Variants in IL18RAP observed in about 807,000 individuals in gnomAD.
IL18RAP encodes the protein interleukin 18 receptor accessory protein.
IL18RAP carries 37 observed loss-of-function variants against 58.1 expected under a neutral mutation model. That is an observed-to-expected ratio of 0.64 (90% CI 0.49 to 0.84). The LOEUF is 0.84. Among genes scored for constraint, IL18RAP ranks in the 40% least tolerant of loss-of-function variants. The probability of loss-of-function intolerance (pLI) is 0.00; values close to 1 mark genes in which losing one functional copy is unlikely to be tolerated. For synonymous variants in IL18RAP, 268 were observed against 257.5 expected, an observed-to-expected ratio of 1.04 and a Z score of -0.39; for missense variants, 667 against 704.8, an observed-to-expected ratio of 0.95 and a Z score of 0.61.
chr2:102,449,004 C>T (rs867504759), intron 8 of IL18RAP, among the ~76,000 whole-genome samples: 5 of 145,540 alleles, frequency 3.4e-5, no homozygotes, highest in Admixed American at 1.4e-4. Context: ...AGCAGTGGCT[C>T]ACATGTGTAA....
intron 5 of IL18RAP, among the ~76,000 whole-genome samples, chr2:102,441,677 C>T (rs2104361666): frequency 6.6e-6 from 1 of 152,128 alleles, no homozygotes; most frequent in Admixed American, 6.5e-5. Flanking sequence ...CACTTGAGGT[C>T]AGGAGTTTGA....
chr2:102,444,666 G>A (rs1411150772), intron 6 of IL18RAP, among the ~76,000 whole-genome samples: 1 of 152,174 alleles, frequency 6.6e-6, no homozygotes, highest in Non-Finnish European at 1.5e-5. Context: ...TTCCTGGGTG[G>A]AGCAGCGTGG....
At chr2:102,448,051 T>A (rs11465728) in intron 8 of IL18RAP, among the ~76,000 whole-genome samples, 71,800 of 151,428 alleles carry the variant, frequency 0.47, 17,363 homozygotes, top group African/African-American at 0.55. Flanking sequence ...GTATTTAGAA[T>A]GGTGCCCAGT....
At chr2:102,420,799 G>A (rs1305939524), upstream of IL18RAP, among the ~76,000 whole-genome samples, 1 of 152,120 alleles carries the variant, frequency 6.6e-6, no homozygotes, top group Non-Finnish European at 1.5e-5. Context: ...AGAAAGCTGA[G>A]GTCCAAAAAG....
In IL18RAP at chr2:102,451,763, C is replaced by T; in HGVS notation, c.1385-3C>T. ...TGCAAATAATCAAATGTTTTATTTC[C>T]AGTGTATGCAGAAGACATTGTGAGC... is the stretch of plus-strand genomic sequence containing the variant. On this transcript the variant is annotated splice_region_variant and splice_polypyrimidine_tract_variant and intron_variant, in intron 9 of 9. Coordinates refer to ENST00000687160, the MANE Select transcript of IL18RAP (RefSeq NM_001393487.1). 10 of 1,594,386 alleles carry T rather than the reference C, an allele frequency of 6.3e-6. No individual in the cohort carries two copies. The highest frequency in any genetic ancestry group is 8.6e-6 in the Non-Finnish European group (10 of 1,168,638).
chr2:102,432,378 C>G (rs1391254292), intron 3 of IL18RAP: 1 of 154,256 alleles, frequency 6.5e-6, no homozygotes, highest in Non-Finnish European at 1.5e-5. Flanking sequence ...GAGCAATACC[C>G]TTGTGTCTTC....
At chr2:102,418,932 G>A (rs562276770), upstream of IL18RAP, 6 of 152,294 alleles carry the variant, frequency 3.9e-5, no homozygotes, top group African/African-American at 1.4e-4. Context: ...TTAAGAGCAG[G>A]AAATAAAGGT....
At chr2:102,443,458 C>A in intron 6 of IL18RAP, 135 bp downstream of exon 6, 247 of 912,486 alleles carry the variant, frequency 2.7e-4, no homozygotes, top group East Asian at 4.4e-4. Flanking sequence ...CACAAAAATG[C>A]AAAGTGCAAA....
intron 3 of IL18RAP, 140 bp from the exon 4 acceptor site, chr2:102,437,072 T>C (rs1682796206): frequency 2.9e-6 from 2 of 694,520 alleles, no homozygotes; most frequent in Non-Finnish European, 4.7e-6. Flanking sequence ...GAACACAATG[T>C]CTTCATAGCT....
intron 8 of IL18RAP, 127 bp from the exon 9 acceptor site, chr2:102,450,721 A>G (rs1683709140): frequency 1.9e-6 from 1 of 531,816 alleles, no homozygotes. Flanking sequence ...TTTAAAATCA[A>G]TTTAGTCAGG....
In IL18RAP at chr2:102,424,328, C is replaced by T. The variant is rs1384627238; in HGVS notation, c.493C>T (p.Leu165=). ...GTATTCCGCATCACATAAGCAAGACCTACTTCTTGGGAGCACTGGCTCTAT... is the reference window on the plus strand; with the variant it reads ...GTATTCCGCATCACATAAGCAAGACTTACTTCTTGGGAGCACTGGCTCTAT... ...CEYSASHKQD[L]LLGSTGSISC... Residue 165 remains leucine (L), a synonymous_variant, in exon 3 of 10, where the codon CTA becomes TTA. Coordinates refer to ENST00000687160, the MANE Select transcript of IL18RAP (RefSeq NM_001393487.1). 1 of 1,614,066 alleles carries T rather than the reference C, an allele frequency of 6.2e-7. No individual in the cohort carries two copies. The highest frequency in any genetic ancestry group is 1.1e-5 in the South Asian group (1 of 91,088).
At chr2:102,442,242 A>G (rs1461113668) in intron 5 of IL18RAP, among the ~76,000 whole-genome samples, 1 of 152,086 alleles carries the variant, frequency 6.6e-6, no homozygotes, top group African/African-American at 2.4e-5. Context: ...GTCTTTCTAC[A>G]CAGACAAATA....
chr2:102,435,024 A>C (rs77569692), intron 3 of IL18RAP: 1 of 150,152 alleles, frequency 6.7e-6, no homozygotes, highest in South Asian at 2.1e-4. Context: ...TAAAAAAAAA[A>C]TCTATCAATA....
At chr2:102,427,690 T>G (rs1278618882) in intron 3 of IL18RAP, among the ~76,000 whole-genome samples, 1 of 152,098 alleles carries the variant, frequency 6.6e-6, no homozygotes, top group Non-Finnish European at 1.5e-5. Flanking sequence ...ACACAGAAGC[T>G]TTTTAGTTTT....
chr2:102,424,411 C>G lies in IL18RAP; in HGVS notation c.576C>G (p.Tyr192Ter). ...CACAAAGTCCAGCGGTAACCTGGTA[C>G]AAGGTAAGAGTGAATTCTCTAAAAT... ...SDAQSPAVTWYKNGKLLSVER... is the reference protein window; with the variant it reads ...SDAQSPAVTW The change falls in exon 3 of 10, where the codon TAC (tyrosine) becomes TAG (stop). Residue 192 changes from tyrosine to a stop codon, truncating the protein, a stop_gained. Coordinates refer to ENST00000687160, the MANE Select transcript of IL18RAP (RefSeq NM_001393487.1). LOFTEE classifies it high-confidence loss of function. The G allele has an allele frequency of 6.2e-7, 1 of 1,613,100 alleles. No homozygotes were observed. The highest frequency in any genetic ancestry group is 1.1e-5 in the South Asian group (1 of 91,004).
intron 3 of IL18RAP, chr2:102,434,011 T>C (rs1682572271): frequency 6.6e-6 from 1 of 152,242 alleles, no homozygotes; most frequent in Non-Finnish European, 1.5e-5. Context: ...GTTAATTTAA[T>C]GTGTTTCCAA....
chr2:102,441,864 G>T (rs1683124771), intron 5 of IL18RAP, among the ~76,000 whole-genome samples: 1 of 150,138 alleles, frequency 6.7e-6, no homozygotes, highest in Admixed American at 6.7e-5. Flanking sequence ...CTCCATCCTG[G>T]GTGGCAGAGC....
chr2:102,450,794 C>CATTT, intron 8 of IL18RAP, 54 bp from the exon 9 acceptor site: 1 of 1,168,198 alleles, frequency 8.6e-7, no homozygotes, highest in Non-Finnish European at 1.2e-6. Flanking sequence ...TGTACCATAA[C>CATTT]AGTAAAAAAA....
chr2:102,444,911 T>C (rs1683320982), intron 6 of IL18RAP, among the ~76,000 whole-genome samples: 1 of 152,206 alleles, frequency 6.6e-6, no homozygotes. Flanking sequence ...TTTCTTAAGG[T>C]ATTGTTATTA....
Sources: allele counts gnomAD v4.1 joint callset (sites outside exome capture counted in the v4.1 genomes callset), GRCh38; gene constraint gnomAD v4.1.1; transcripts MANE v1.5; gene names NCBI Gene and HGNC (gene_info 2026-07-23, HGNC 2026-07-21).